TMEM223: variants seen among roughly 807,000 people sequenced by gnomAD.
The protein encoded by TMEM223 is transmembrane protein 223.
A neutral mutation model predicts 14.1 loss-of-function variants in TMEM223; 14 were observed. The ratio of observed to expected loss-of-function variants is 0.99; its 90% CI spans 0.66 to 1.55. The LOEUF is 1.55. TMEM223 is among the 40% of genes most tolerant of loss of function. The pLI is 0.00. For synonymous variants in TMEM223, 145 were observed against 120.5 expected (o/e 1.20, Z -1.33); for missense variants, 346 against 269.9 (o/e 1.28, Z -1.97).
chr11:62,789,900 G>A (rs764312648), downstream of TMEM223: 2 of 1,613,824 alleles, frequency 1.2e-6, no homozygotes, highest in Non-Finnish European at 1.7e-6. Flanking sequence ...CTTCTTGGGT[G>A]AATTTGGTAT....
intron 1 of TMEM223, 21 bp downstream of exon 1, chr11:62,791,658 G>A: frequency 6.6e-7 from 1 of 1,509,038 alleles, no homozygotes; most frequent in Non-Finnish European, 8.9e-7. Context: ...TGTCACAGTG[G>A]GAAGCCAGCC....
At position 62,791,879 on chromosome 11, in the gene TMEM223, T is replaced by C. The variant is rs118167825; in HGVS notation, c.116A>G (p.His39Arg). 0.024 allele frequency: 38,781 copies of C among 1,596,644 alleles called. 572 individuals are homozygous for C. Among genetic ancestry groups the C allele is most frequent in the Non-Finnish European group, 0.029 (33,833 of 1,172,170 alleles). Residue 39 changes from histidine to arginine, a missense_variant, in exon 1 of 2, where the codon CAT (histidine) becomes CGT (arginine). By Grantham distance (29) the His-to-Arg change is conservative. Coordinates refer to ENST00000307366, the MANE Select transcript of TMEM223 (RefSeq NM_001080501.3). Reference sequence around the variant, plus strand: ...GATGGTGAAGAAGCGGCCCCGATCATGCTCAAAGAGCAGCACATCCCGTTG... The same window carrying C: ...GATGGTGAAGAAGCGGCCCCGATCACGCTCAAAGAGCAGCACATCCCGTTG... ...TLQRDVLLFE[H>R]DRGRFFTILG... is the part of the protein sequence containing the mutation.
At chr11:62,789,735 G>C, downstream of TMEM223, 2 of 1,514,038 alleles carry the variant, frequency 1.3e-6, no homozygotes, top group Non-Finnish European at 1.8e-6. Flanking sequence ...CTGTGTGGGT[G>C]CTCACCAGTG....
Position 62,790,121 on chromosome 11 carries a change from G to C in TMEM223, c.*502C>G. ...CTGTAATCCCCCCCCTCAAGGCCCTGTTTATGTTGGGAGTCTTAGTTTTCC... is the reference window on the plus strand; with the variant it reads ...CTGTAATCCCCCCCCTCAAGGCCCTCTTTATGTTGGGAGTCTTAGTTTTCC... On this transcript the variant is annotated 3_prime_UTR_variant, in exon 2 of 2. Transcript: ENST00000307366. 1 of 926,364 alleles carries C rather than the reference G, an allele frequency of 1.1e-6. No homozygotes were observed. The highest frequency in any genetic ancestry group is 1.5e-6 in the Non-Finnish European group (1 of 656,694). The allele number at this position is 926,364 out of a possible 1,614,324, so 57.4% of individuals were successfully genotyped here.
downstream of TMEM223, chr11:62,786,807 G>C: frequency 6.2e-7 from 1 of 1,608,984 alleles, no homozygotes. Flanking sequence ...GCACCGGCCA[G>C]CCTGCACCCA....
In TMEM223 at chr11:62,790,822, G is replaced by A. The variant is rs2084352403; in HGVS notation, c.410C>T (p.Thr137Ile). The A allele has an allele frequency of 4.4e-6, 7 of 1,605,620 alleles. No homozygotes were observed. Among genetic ancestry groups the A allele is most frequent in the Non-Finnish European group, 6.0e-6 (7 of 1,176,032 alleles). Residue 137 changes from threonine to isoleucine, a missense_variant, in exon 2 of 2, where the codon ACT (threonine) becomes ATT (isoleucine). Transcript: ENST00000307366. ...RAGGQQVTLT[T>I]HAPFGLGAHF... ...GGCCCCCAAGCCAAAGGGGGCATGA[G>A]TGGTGAGGGTCACCTGCTGCCCTCC...
chr11:62,776,819 G>C (rs2084191441), intron 1 of TMEM223, among the ~76,000 whole-genome samples: 1 of 147,554 alleles, frequency 6.8e-6, no homozygotes, highest in Non-Finnish European at 1.5e-5. Flanking sequence ...CTCCAGCCTG[G>C]GCAACAGAGC....
chr11:62,789,872 C>T, downstream of TMEM223: 1 of 1,610,512 alleles, frequency 6.2e-7, no homozygotes, highest in Non-Finnish European at 8.5e-7. Context: ...CGATCCTGTC[C>T]CTGTCTCCTA....
downstream of TMEM223, chr11:62,789,019 A>G (rs577630273): frequency 1.9e-6 from 3 of 1,609,488 alleles, no homozygotes; most frequent in East Asian, 2.2e-5. Flanking sequence ...GCTTCTCTCC[A>G]CAGGGCTCCT....
Position 62,790,574 on chromosome 11 carries a change from TCA to T in TMEM223, c.*47_*48del. 6.5e-7 allele frequency: 1 copy of T among 1,527,560 alleles called. No homozygotes were observed. Among genetic ancestry groups the T allele is most frequent in the Non-Finnish European group, 8.9e-7 (1 of 1,126,470 alleles). 94.6% of individuals were successfully genotyped at this position (1,527,560 alleles called of 1,614,324 possible). A position where few individuals can be genotyped will look rare whatever the true frequency, so the allele number is the denominator to read the frequency against. The stretch of plus-strand genomic sequence containing the variant: ...ACCAACACACCTGGCTCCCCAAGGT[TCA>T]GTTTTTATCCTCCTCTTGGAGAGGT... On this transcript the variant is annotated 3_prime_UTR_variant, in exon 2 of 2. Transcript: ENST00000307366.
chr11:62,777,146 C>CAA (rs1236455874), intron 1 of TMEM223, among the ~76,000 whole-genome samples: 2 of 134,714 alleles, frequency 1.5e-5, no homozygotes, highest in African/African-American at 5.5e-5. Flanking sequence ...GACTCCATGT[C>CAA]AAAAAAAAAA....
intron 1 of TMEM223, chr11:62,781,725 A>G (rs1243272145): frequency 4.7e-6 from 3 of 636,870 alleles, no homozygotes; most frequent in Non-Finnish European, 5.6e-6. Flanking sequence ...GTATATGTGA[A>G]TGAGTTTCTG....
At chr11:62,771,748 TGAGGATGCG>T (rs575749779) in exon 3 of TMEM223, 1 of 219,912 alleles carries the variant, frequency 4.5e-6, no homozygotes, top group African/African-American at 2.3e-5. Flanking sequence ...GACTAGTGGC[TGAGGATGCG>T]GAGGAGAGGA....
intron 1 of TMEM223, chr11:62,778,872 C>T (rs1270266181): frequency 3.7e-6 from 6 of 1,613,804 alleles, no homozygotes; most frequent in Non-Finnish European, 5.1e-6. Context: ...CTGGCAGTGC[C>T]CAGTGCTGTG....
In TMEM223 at chr11:62,774,658, GCTATA is replaced by G. The variant is rs1308021972; in HGVS notation, c.317_321del (p.Tyr107HisfsTer34). On this transcript the variant is annotated frameshift_variant and splice_region_variant, in exon 2 of 3. Coordinates refer to the TMEM223 transcript ENST00000528367. LOFTEE classifies it high-confidence loss of function. ...GCTGTTTTTGTCGGTTTCTTATTGT[GCTATA>G]CCCTGTGAACAAAACAGGTTCCAGC... is the stretch of plus-strand genomic sequence containing the variant. 2.2e-6 allele frequency: 1 copy of G among 455,100 alleles called. No homozygotes were observed. 28.2% of individuals were successfully genotyped at this position (455,100 alleles called of 1,614,324 possible). A position where few individuals can be genotyped will look rare whatever the true frequency, so the allele number is the denominator to read the frequency against.
At chr11:62,791,263 AT>A (rs1012838456) in intron 1 of TMEM223, among the ~76,000 whole-genome samples, 37 of 147,124 alleles carry the variant, frequency 2.5e-4, no homozygotes, top group African/African-American at 5.2e-4. Flanking sequence ...CTGTTTCCCA[AT>A]TTTTTTTTTT....
downstream of TMEM223, chr11:62,789,810 C>T: frequency 6.4e-7 from 1 of 1,565,128 alleles, no homozygotes; most frequent in East Asian, 2.2e-5. Context: ...TTCAGCAGTT[C>T]AGAGTGGTGT....
chr11:62,788,884 C>A (rs1441134807), downstream of TMEM223: 6 of 958,956 alleles, frequency 6.3e-6, no homozygotes, highest in Non-Finnish European at 9.3e-6. Flanking sequence ...ATATCCCTGT[C>A]CCAGAAATAG....
chr11:62,773,283 G>C (rs1359569880), intron 2 of TMEM223, among the ~76,000 whole-genome samples: 2 of 151,824 alleles, frequency 1.3e-5, no homozygotes, highest in African/African-American at 4.8e-5. Context: ...GAGTAGCTGG[G>C]ACTACAGGCG....
Sources: gnomAD v4.1 joint callset for allele counts (sites outside exome capture counted in the v4.1 genomes callset) on GRCh38, gnomAD v4.1.1 for gene constraint, MANE v1.5 for transcripts, NCBI Gene and HGNC (gene_info 2026-07-23, HGNC 2026-07-21) for gene names.